The following FRK variants were observed in gnomAD, a reference collection of about 807,000 sequenced individuals.
The protein encoded by FRK is tyrosine-protein kinase FRK.
FRK carries 51 observed loss-of-function variants against 56.4 expected under a neutral mutation model. The observed-to-expected ratio is 0.90, with a 90% confidence interval of 0.72 to 1.14. FRK has a LOEUF of 1.14. Among genes scored for constraint, FRK ranks in the 50% most tolerant of loss-of-function variants. The probability of loss-of-function intolerance (pLI) is 0.00; values close to 1 mark genes in which losing one functional copy is unlikely to be tolerated. For missense variants in FRK, 570 were observed against 601.4 expected, an observed-to-expected ratio of 0.95 and a Z score of 0.55; for synonymous variants, 245 against 217.9, an observed-to-expected ratio of 1.12 and a Z score of -1.10.
At chr6:116,050,522 C>T (rs1777143714) in intron 1 of FRK, among the ~76,000 whole-genome samples, 1 of 152,142 alleles carries the variant, frequency 6.6e-6, no homozygotes, top group African/African-American at 2.4e-5. Flanking sequence ...ATAGTGGGCC[C>T]TGTCTAACAC....
chr6:116,014,916 A>G lies in FRK; in HGVS notation c.345-10918T>C, dbSNP rs575301896. 1.1e-4 allele frequency among the ~76,000 whole-genome samples: 17 copies of G among 152,312 alleles called. No homozygotes were observed. The South Asian group carries it at 3.3e-3, about 30-fold the overall frequency. Reference sequence around the variant, plus strand: ...AGGATCTACAGGCAAAGGTGTTTTAATGAGTACATGCATTTTTTTCCGGGG... The same window carrying G: ...AGGATCTACAGGCAAAGGTGTTTTAGTGAGTACATGCATTTTTTTCCGGGG... On this transcript the variant is annotated intron_variant, in intron 1 of 7. Coordinates refer to ENST00000606080, the MANE Select transcript of FRK (RefSeq NM_002031.3).
the FRK span, among the ~76,000 whole-genome samples, chr6:116,080,811 T>C: frequency 4.6e-5 from 7 of 152,216 alleles, no homozygotes; most frequent in African/African-American, 1.7e-4. Context: ...ATGAGATCTA[T>C]TGTTTGCCCT....
chr6:115,953,068 A>G (rs1408908733), intron 5 of FRK, among the ~76,000 whole-genome samples: 3 of 151,006 alleles, frequency 2.0e-5, no homozygotes, highest in Non-Finnish European at 4.4e-5. Context: ...AACTTAAAGT[A>G]TAATAATAAT....
intron 5 of FRK, among the ~76,000 whole-genome samples, chr6:115,953,112 A>AT (rs1491321510): frequency 6.6e-6 from 1 of 150,782 alleles, no homozygotes; most frequent in Non-Finnish European, 1.5e-5. Context: ...AGAAAAAAAA[A>AT]GAATCTTTCA....
At chr6:116,000,448 G>T (rs1261589580) in intron 2 of FRK, among the ~76,000 whole-genome samples, 1 of 151,590 alleles carries the variant, frequency 6.6e-6, no homozygotes, top group African/African-American at 2.4e-5. Flanking sequence ...TCACCATGTT[G>T]GCCAGGCTAG....
Position 115,999,703 on chromosome 6 carries a change from A to G in FRK, c.466+4174T>C, listed in dbSNP as rs181344146. The stretch of plus-strand genomic sequence containing the variant: ...TCAGACTGATTAAGAAGACAACTGC[A>G]CTAAGAAATAAATCTAGAGTGGTAT... On this transcript the variant is annotated intron_variant, in intron 2 of 7. Transcript: ENST00000606080. 2.6e-3 allele frequency among the ~76,000 whole-genome samples: 393 copies of G among 152,368 alleles called. 12 individuals are homozygous for G. The South Asian group carries it at 0.045, about 17-fold the overall frequency.
rs772080212 is a variant in FRK at position 115,943,080 on chromosome 6, C to T, written c.1246G>A (p.Val416Ile). Residue 416 changes from valine to isoleucine, a missense_variant, in exon 7 of 8, where the codon GTA (valine) becomes ATA (isoleucine). Transcript: ENST00000606080. ...RSNKFSIKSD[V>I]WSFGILLYEI... ...TAAAGAAGGATTCCAAATGACCATA[C>T]ATCGGACTTAATGCTGAATTTATTA... 4.3e-6 allele frequency: 7 copies of T among 1,613,502 alleles called. No homozygotes were observed. Among genetic ancestry groups the T allele is most frequent in the Non-Finnish European group, 5.9e-6 (7 of 1,179,714 alleles).
intron 1 of FRK, among the ~76,000 whole-genome samples, chr6:116,055,680 C>A (rs1353598002): frequency 6.6e-6 from 1 of 152,078 alleles, no homozygotes; most frequent in East Asian, 1.9e-4. Context: ...ATATATATAA[C>A]AAAGCAAATA....
the FRK span, among the ~76,000 whole-genome samples, chr6:116,091,399 G>C: frequency 6.6e-6 from 1 of 152,166 alleles, no homozygotes; most frequent in African/African-American, 2.4e-5. Flanking sequence ...CTTCCATGCT[G>C]TGGAAGCTTT....
Position 116,003,998 on chromosome 6 carries a change from C to G in FRK, c.345G>C (p.Pro115=). The change falls in exon 2 of 8, where the codon CCG becomes CCC. Residue 115 remains proline, a splice_region_variant and synonymous_variant. Transcript: ENST00000606080. ...ATCTTCCGATTGCTCCAAAGAACCA[C>G]CTAAAAAGAGAGATATGTAAATGTT... is the stretch of plus-strand genomic sequence containing the variant. The part of the protein sequence containing the change: ...VAEDRSLQAE[P]WFFGAIGRSD... The G allele has an allele frequency of 1.2e-6, 2 of 1,610,708 alleles. No homozygotes were observed. The highest frequency in any genetic ancestry group is 8.5e-7 in the Non-Finnish European group (1 of 1,178,020).
intron 2 of FRK, among the ~76,000 whole-genome samples, chr6:115,975,702 A>T (rs1346557590): frequency 6.6e-6 from 1 of 152,208 alleles, no homozygotes; most frequent in Non-Finnish European, 1.5e-5. Context: ...TGCAAAAAAT[A>T]TATAAGATTA....
At chr6:116,027,910 G>T (rs1776154751) in intron 1 of FRK, among the ~76,000 whole-genome samples, 1 of 151,962 alleles carries the variant, frequency 6.6e-6, no homozygotes, top group Non-Finnish European at 1.5e-5. Flanking sequence ...GGGAGGAACT[G>T]TTCAGAGACA....
intron 2 of FRK, among the ~76,000 whole-genome samples, chr6:115,992,831 T>A (rs150242826): frequency 1.3e-5 from 2 of 151,746 alleles, no homozygotes; most frequent in African/African-American, 4.8e-5. Context: ...TAAATAGGAA[T>A]GTATGAGGTT....
chr6:116,059,350 A>G (rs1213763819), intron 1 of FRK, among the ~76,000 whole-genome samples: 1 of 152,158 alleles, frequency 6.6e-6, no homozygotes, highest in Non-Finnish European at 1.5e-5. Context: ...GTTTCTAATC[A>G]TAATAAAAAC....
At chr6:116,019,330 C>A (rs1775775994) in intron 1 of FRK, among the ~76,000 whole-genome samples, 2 of 152,060 alleles carry the variant, frequency 1.3e-5, no homozygotes, top group African/African-American at 4.8e-5. Context: ...TGTGAGTCTT[C>A]CACTTGAAAG....
At chr6:116,034,275 G>C (rs1022558886) in intron 1 of FRK, among the ~76,000 whole-genome samples, 5 of 152,104 alleles carry the variant, frequency 3.3e-5, no homozygotes, top group Non-Finnish European at 5.9e-5. Context: ...ACGGAGAATT[G>C]ATCAGTGTTT....
chr6:115,999,964 A>C (rs1326598297), intron 2 of FRK, among the ~76,000 whole-genome samples: 1 of 152,168 alleles, frequency 6.6e-6, no homozygotes, highest in Non-Finnish European at 1.5e-5. Context: ...GACTTCATTG[A>C]AAAGAAATCA....
At chr6:116,062,475 AG>A (rs1266817305), upstream of FRK, among the ~76,000 whole-genome samples, 3 of 151,120 alleles carry the variant, frequency 2.0e-5, no homozygotes, top group African/African-American at 7.3e-5. Flanking sequence ...AAAAAAAAAA[AG>A]AAAAGAAAAG....
At position 115,944,434 on chromosome 6, in the gene FRK, TAAGAG is replaced by T. The variant is rs767377172; in HGVS notation, c.959-14_959-10del. On this transcript the variant is annotated splice_polypyrimidine_tract_variant and intron_variant, in intron 5 of 7. Transcript: ENST00000606080. ...TTTTGATCCAGTGTCATCTAAGTAA[TAAGAG>T]AAAAGTAAGAAAGTTACCTTAGAGA... 12 of 1,583,648 alleles carry T rather than the reference TAAGAG, an allele frequency of 7.6e-6. No homozygotes were observed. Among genetic ancestry groups the T allele is most frequent in the South Asian group, 2.3e-5 (2 of 86,004 alleles).
Sources: gnomAD v4.1 joint callset for allele counts (sites outside exome capture counted in the v4.1 genomes callset) on GRCh38, gnomAD v4.1.1 for gene constraint, MANE v1.5 for transcripts, NCBI Gene and HGNC (gene_info 2026-07-23, HGNC 2026-07-21) for gene names.